NSD1: variants seen among roughly 807,000 people sequenced by gnomAD.
NSD1 encodes histone-lysine N-methyltransferase, H3 lysine-36 specific.
Under a neutral mutation model 242.7 loss-of-function variants are expected in NSD1, and 26 were observed. The ratio of observed to expected loss-of-function variants is 0.11; its 90% confidence interval spans 0.08 to 0.15. The LOEUF (loss-of-function observed/expected upper bound fraction) is 0.15. Among genes scored for constraint, NSD1 ranks in the 10% least tolerant of loss-of-function variants. NSD1 has a pLI of 1.00. For missense variants in NSD1, 2,495 were observed against 3,272.8 expected, an observed-to-expected ratio of 0.76 and a Z score of 5.80; for synonymous variants, 1,106 against 1,178.1, an observed-to-expected ratio of 0.94 and a Z score of 1.25.
At chr5:177,143,328 AT>A (rs757688131) in intron 2 of NSD1, among the ~76,000 whole-genome samples, 11 of 148,120 alleles carry the variant, frequency 7.4e-5, no homozygotes, top group African/African-American at 1.2e-4. Context: ...AAGGATAATA[AT>A]TTTTTTTTTT....
rs775730406 is a variant in NSD1, at chr5:177,209,766, C to T, written c.1367C>T (p.Pro456Leu). 17 of 1,614,052 alleles carry T rather than the reference C, an allele frequency of 1.1e-5. No individual in the cohort carries two copies. Among genetic ancestry groups the T allele is most frequent in the Non-Finnish European group, 1.4e-5 (17 of 1,180,008 alleles). ...AAGTTGGACAGTGAAGAAGATATGCCATTTGAAGACTGCACAAATGATCCT... is the reference window on the plus strand; with the variant it reads ...AAGTTGGACAGTGAAGAAGATATGCTATTTGAAGACTGCACAAATGATCCT... ...SIKLDSEEDM[P>L]FEDCTNDPES... Residue 456 changes from proline to leucine, a missense_variant, in exon 5 of 23, where the codon CCA (proline) becomes CTA (leucine). Pro to Leu is a moderately conservative substitution (Grantham distance 98). Coordinates refer to ENST00000439151, the MANE Select transcript of NSD1 (RefSeq NM_022455.5).
chr5:177,159,022 A>ATATATG (rs1215294756), intron 2 of NSD1, among the ~76,000 whole-genome samples: 7 of 121,424 alleles, frequency 5.8e-5, no homozygotes, highest in Admixed American at 3.3e-4. Context: ...ATATATATAT[A>ATATATG]TATGAATGAT....
chr5:177,153,938 A>T (rs922722449), intron 2 of NSD1, among the ~76,000 whole-genome samples: 3 of 152,182 alleles, frequency 2.0e-5, no homozygotes, highest in Non-Finnish European at 4.4e-5. Context: ...GTAGCAGCTT[A>T]GAGGAGTAAA....
In NSD1 at chr5:177,225,835, G is replaced by A. The variant is rs138985449; in HGVS notation, c.3797-9986G>A. Among the ~76,000 whole-genome samples, 35 of 152,192 alleles carry A rather than the reference G, an allele frequency of 2.3e-4. 1 individual carries two copies. In the East Asian group the frequency reaches 3.7e-3, roughly 16 times the overall value. On this transcript the variant is annotated intron_variant, in intron 5 of 22. Transcript: ENST00000439151. ...TTGAAAAGATGAGAGAAGCTATTCAGTAAAAATTTTCCTCCCAACCCTGTA... is the reference window on the plus strand; with the variant it reads ...TTGAAAAGATGAGAGAAGCTATTCAATAAAAATTTTCCTCCCAACCCTGTA...
chr5:177,192,109 T>G, intron 3 of NSD1, 90 bp downstream of exon 3: 1 of 1,190,284 alleles, frequency 8.4e-7, no homozygotes, highest in Non-Finnish European at 1.2e-6. Context: ...ATTTTTTTCC[T>G]TGGAACATTT....
At position 177,238,639 on chromosome 5, in the gene NSD1, C is replaced by G; in HGVS notation, c.4192+132C>G. On this transcript the variant is annotated intron_variant, in intron 7 of 22. Transcript: ENST00000439151. This position sits in a 1 kb window ranked among gnomAD's most constrained non-coding sequence, Gnocchi z 4.6. Reference sequence around the variant, plus strand: ...CTACCCCCTTTTGTCCTGGGAAATACTTAAAATGATGGTTAATTAGATATA... The same window carrying G: ...CTACCCCCTTTTGTCCTGGGAAATAGTTAAAATGATGGTTAATTAGATATA... The G allele has an allele frequency of 9.9e-7, 1 of 1,011,586 alleles. No homozygotes were observed. The highest frequency in any genetic ancestry group is 1.6e-5 in the African/African-American group (1 of 63,322). 62.7% of individuals were successfully genotyped at this position (1,011,586 alleles called of 1,614,324 possible). A position where few individuals can be genotyped will look rare whatever the true frequency, so the allele number is the denominator to read the frequency against.
At chr5:177,221,583 A>C (rs1050719202) in intron 5 of NSD1, among the ~76,000 whole-genome samples, 1 of 146,524 alleles carries the variant, frequency 6.8e-6, no homozygotes, top group Non-Finnish European at 1.5e-5. Flanking sequence ...CTCCTGCTTC[A>C]GCCTCCCAAG....
chr5:177,285,988 C>T (rs60927929), intron 20 of NSD1, among the ~76,000 whole-genome samples: 10 of 152,216 alleles, frequency 6.6e-5, no homozygotes, highest in Middle Eastern at 3.4e-3. Flanking sequence ...CTCCACCTCG[C>T]GGGTTCAAGC....
intron 4 of NSD1, among the ~76,000 whole-genome samples, chr5:177,207,119 T>C (rs1762934628): frequency 6.6e-6 from 1 of 152,038 alleles, no homozygotes; most frequent in Admixed American, 6.5e-5. Flanking sequence ...GTATTTTTAG[T>C]AGAGACAGGG....
Position 177,295,505 on chromosome 5 carries a change from A to G in NSD1, c.*46A>G. 6.3e-7 allele frequency: 1 copy of G among 1,583,324 alleles called. No individual in the cohort carries two copies. Among genetic ancestry groups the G allele is most frequent in the East Asian group, 2.2e-5 (1 of 44,474 alleles). Reference sequence around the variant, plus strand: ...ACAAACAAGCTGCCCCCAGGGTACCATTTGGGGAGGGGAAATCTTTTCTTT... The same window carrying G: ...ACAAACAAGCTGCCCCCAGGGTACCGTTTGGGGAGGGGAAATCTTTTCTTT... On this transcript the variant is annotated 3_prime_UTR_variant, in exon 23 of 23. Transcript: ENST00000439151. This position sits in a 1 kb window ranked among gnomAD's most constrained non-coding sequence, Gnocchi z 4.3.
intron 13 of NSD1, 77 bp downstream of exon 13, chr5:177,257,228 CTTTTTT>C (rs373383515): frequency 2.7e-4 from 200 of 738,972 alleles, no homozygotes; most frequent in Middle Eastern, 3.7e-4. Flanking sequence ...TTTTTTCTTT[CTTTTTT>C]TTTTTTTTTT....
At chr5:177,219,961 C>CA (rs557660794) in intron 5 of NSD1, among the ~76,000 whole-genome samples, 51 of 144,246 alleles carry the variant, frequency 3.5e-4, no homozygotes, top group South Asian at 1.6e-3. Flanking sequence ...GATCCTGTGT[C>CA]AAAAAAAAAA....
intron 6 of NSD1, among the ~76,000 whole-genome samples, chr5:177,236,905 C>T (rs748589965): frequency 1.3e-5 from 2 of 152,156 alleles, no homozygotes; most frequent in Non-Finnish European, 2.9e-5. Context: ...TGCACGAACA[C>T]GGTTCACTGC....
intron 12 of NSD1, among the ~76,000 whole-genome samples, chr5:177,252,430 A>G (rs1345405369): frequency 6.6e-6 from 1 of 151,982 alleles, no homozygotes; most frequent in Non-Finnish European, 1.5e-5. Flanking sequence ...CCAAAAAAGT[A>G]AAAAGATTAT....
chr5:177,184,563 C>T (rs1259147684), intron 2 of NSD1, among the ~76,000 whole-genome samples: 1 of 152,012 alleles, frequency 6.6e-6, no homozygotes. Context: ...GGGTCTCACT[C>T]TGTCACTTAG....
intron 20 of NSD1, among the ~76,000 whole-genome samples, chr5:177,284,742 C>T (rs1013425859): frequency 6.6e-6 from 1 of 152,308 alleles, no homozygotes; most frequent in East Asian, 1.9e-4. Flanking sequence ...TCTTCTTCCA[C>T]TTTATAAACC....
At chr5:177,178,556 T>C (rs1489020808) in intron 2 of NSD1, among the ~76,000 whole-genome samples, 1 of 152,106 alleles carries the variant, frequency 6.6e-6, no homozygotes, top group Non-Finnish European at 1.5e-5. Flanking sequence ...TTTATAAGGA[T>C]TAAGAAAAAC....
chr5:177,140,365 T>A (rs1756712612), intron 2 of NSD1, among the ~76,000 whole-genome samples: 1 of 152,124 alleles, frequency 6.6e-6, no homozygotes, highest in African/African-American at 2.4e-5. Context: ...AGTCAGGTAA[T>A]GGGGCCTAGA....
chr5:177,138,546 G>A (rs1322966531), intron 2 of NSD1, among the ~76,000 whole-genome samples: 3 of 151,972 alleles, frequency 2.0e-5, no homozygotes, highest in Non-Finnish European at 2.9e-5. Context: ...GTGAGCCACC[G>A]TACCCATCCC....
Sources: allele counts gnomAD v4.1 joint callset (sites outside exome capture counted in the v4.1 genomes callset), GRCh38; gene constraint gnomAD v4.1.1; non-coding constraint Gnocchi (gnomAD v3.1); transcripts MANE v1.5; gene names NCBI Gene and HGNC (gene_info 2026-07-23, HGNC 2026-07-21).